Variants in SCFD1 observed in about 807,000 individuals in gnomAD.
SCFD1 encodes sec1 family domain containing 1.
In SCFD1, 37 loss-of-function variants were observed where a neutral mutation model predicts 103.2. That is an observed-to-expected ratio of 0.36 (90% CI 0.28 to 0.47). SCFD1 has a LOEUF of 0.47. Ranked by LOEUF, SCFD1 falls within the 20% of genes least tolerant of loss-of-function variation. The pLI is 1.00. For synonymous variants in SCFD1, 264 were observed against 245.0 expected (o/e 1.08, Z -0.73); for missense variants, 639 against 761.2 (o/e 0.84, Z 1.89).
chr14:30,674,656 G>A (rs1255614780), intron 13 of SCFD1, among the ~76,000 whole-genome samples: 8 of 152,000 alleles, frequency 5.3e-5, no homozygotes, highest in Non-Finnish European at 1.2e-4. Flanking sequence ...AAAAAAGAAG[G>A]AGGGAGGAAA....
intron 10 of SCFD1, chr14:30,653,916 C>T (rs927776706): frequency 6.0e-6 from 1 of 166,026 alleles, no homozygotes; most frequent in African/African-American, 2.4e-5. Flanking sequence ...TAAATGTGTT[C>T]TCCCTTAGGA....
At chr14:30,680,960 C>T (rs548042334) in intron 14 of SCFD1, among the ~76,000 whole-genome samples, 108 of 152,202 alleles carry the variant, frequency 7.1e-4, no homozygotes, top group African/African-American at 2.5e-3. Context: ...CAGCTGGGCG[C>T]GGTGGCTCAC....
At chr14:30,706,254 A>C (rs1193811483) in intron 18 of SCFD1, among the ~76,000 whole-genome samples, 1 of 152,130 alleles carries the variant, frequency 6.6e-6, no homozygotes, top group Non-Finnish European at 1.5e-5. Context: ...CTTAGATAAC[A>C]TTTTTTATAG....
chr14:30,664,290 A>G (rs143084472), intron 10 of SCFD1, among the ~76,000 whole-genome samples: 2,071 of 152,238 alleles, frequency 0.014, 17 homozygotes, highest in Non-Finnish European at 0.023. Context: ...GCAAACTCCA[A>G]CAGACCTGCA....
intron 10 of SCFD1, among the ~76,000 whole-genome samples, chr14:30,664,982 A>C (rs1037742397): frequency 6.6e-6 from 1 of 152,256 alleles, no homozygotes; most frequent in African/African-American, 2.4e-5. Context: ...TCAGGATATT[A>C]TCCAGGAGAA....
At chr14:30,626,800 C>T (rs1883501872) in intron 1 of SCFD1, among the ~76,000 whole-genome samples, 1 of 152,112 alleles carries the variant, frequency 6.6e-6, no homozygotes, top group Non-Finnish European at 1.5e-5. Flanking sequence ...TTCGGCACAA[C>T]AGTATGTACA....
At chr14:30,712,203 A>ATTCTT (rs1854483743) in intron 19 of SCFD1, among the ~76,000 whole-genome samples, 1 of 152,108 alleles carries the variant, frequency 6.6e-6, no homozygotes, top group Non-Finnish European at 1.5e-5. Flanking sequence ...ACGCCATCTA[A>ATTCTT]TTCTTTACTT....
intron 10 of SCFD1, among the ~76,000 whole-genome samples, chr14:30,666,081 C>G (rs746353191): frequency 2.0e-5 from 3 of 152,196 alleles, no homozygotes; most frequent in Non-Finnish European, 4.4e-5. Context: ...GAACTCTCCA[C>G]CCCAAATCAA....
chr14:30,710,237 T>C (rs1377510805), intron 19 of SCFD1, among the ~76,000 whole-genome samples: 1 of 148,966 alleles, frequency 6.7e-6, no homozygotes, highest in Non-Finnish European at 1.5e-5. Flanking sequence ...CACTTTGACA[T>C]AGGCAGTTTC....
intron 1 of SCFD1, among the ~76,000 whole-genome samples, chr14:30,626,306 G>T (rs1006628224): frequency 4.6e-5 from 7 of 151,968 alleles, no homozygotes; most frequent in Non-Finnish European, 1.0e-4. Flanking sequence ...ATGTCTGTAG[G>T]TGTATGGTAA....
intron 1 of SCFD1, among the ~76,000 whole-genome samples, chr14:30,627,724 C>T (rs1306038513): frequency 8.4e-6 from 1 of 119,216 alleles, no homozygotes; most frequent in East Asian, 2.4e-4. Context: ...GCCTGGGCAA[C>T]AAGAGCGAAA....
At chr14:30,718,476 G>A (rs1892436874) in intron 20 of SCFD1, among the ~76,000 whole-genome samples, 1 of 152,194 alleles carries the variant, frequency 6.6e-6, no homozygotes, top group African/African-American at 2.4e-5. Flanking sequence ...TTTTGAAAGT[G>A]TTTCTTCATC....
chr14:30,675,122 C>T, intron 14 of SCFD1, 57 bp downstream of exon 14: 1 of 904,546 alleles, frequency 1.1e-6, no homozygotes, highest in Non-Finnish European at 1.7e-6. Flanking sequence ...GGGTTTTATA[C>T]TTTGTAAGAT....
At chr14:30,697,631 A>G (rs895627466) in intron 15 of SCFD1, among the ~76,000 whole-genome samples, 3 of 152,230 alleles carry the variant, frequency 2.0e-5, no homozygotes, top group African/African-American at 7.2e-5. Flanking sequence ...AGCTCAGGAA[A>G]GGCTGAGAGG....
intron 3 of SCFD1, among the ~76,000 whole-genome samples, chr14:30,632,188 A>T (rs1199039952): frequency 6.6e-6 from 1 of 152,070 alleles, no homozygotes; most frequent in African/African-American, 2.4e-5. Context: ...TGATGTTATA[A>T]CCAATTTTTA....
At chr14:30,655,116 T>C (rs1422373998) in intron 10 of SCFD1, among the ~76,000 whole-genome samples, 1 of 152,198 alleles carries the variant, frequency 6.6e-6, no homozygotes, top group African/African-American at 2.4e-5. Context: ...ACTTGCAGCA[T>C]TTCAGAAGGT....
chr14:30,732,550 C>T (rs2139447417), intron 23 of SCFD1, among the ~76,000 whole-genome samples: 1 of 152,218 alleles, frequency 6.6e-6, no homozygotes, highest in Middle Eastern at 3.4e-3. Flanking sequence ...ACCATTCAGC[C>T]CTATTAAGAA....
intron 20 of SCFD1, among the ~76,000 whole-genome samples, chr14:30,717,345 T>TA (rs1892347803): frequency 1.3e-5 from 2 of 152,106 alleles, no homozygotes; most frequent in Admixed American, 1.3e-4. Context: ...GGTGTGGTGA[T>TA]ACACACCTGT....
At chr14:30,675,823 T>C (rs1292905825) in intron 14 of SCFD1, among the ~76,000 whole-genome samples, 2 of 152,214 alleles carry the variant, frequency 1.3e-5, no homozygotes, top group Admixed American at 6.5e-5. Context: ...GAGAAGGTAC[T>C]TAAAGGTATT....
Sources: allele counts gnomAD v4.1 joint callset (sites outside exome capture counted in the v4.1 genomes callset), GRCh38; gene constraint gnomAD v4.1.1; transcripts MANE v1.5; gene names NCBI Gene and HGNC (gene_info 2026-07-23, HGNC 2026-07-21).